Variants in ETV5 observed in about 807,000 individuals in gnomAD.
The protein encoded by ETV5 is ETS variant transcription factor 5.
In ETV5, 10 loss-of-function variants were observed where a neutral mutation model predicts 70.0. The observed-to-expected ratio is 0.14, with a 90% CI of 0.09 to 0.24. The LOEUF (loss-of-function observed/expected upper bound fraction) is 0.24. ETV5 is among the 10% of genes least tolerant of loss of function. ETV5 has a pLI of 1.00. For missense variants in ETV5, 453 were observed against 651.2 expected, an observed-to-expected ratio of 0.70 and a Z score of 3.31; for synonymous variants, 216 against 242.2, an observed-to-expected ratio of 0.89 and a Z score of 1.01.
Position 186,105,116 on chromosome 3 carries a change from T to C in ETV5, c.232+189A>G. 3 of 528,996 alleles carry C rather than the reference T, an allele frequency of 5.7e-6. No homozygotes were observed. Among genetic ancestry groups the C allele is most frequent in the South Asian group, 2.8e-5 (1 of 35,164 alleles). The allele number at this position is 528,996 out of a possible 1,614,324, so 32.8% of individuals were successfully genotyped here. A position where few individuals can be genotyped will look rare whatever the true frequency, so the allele number is the denominator to read the frequency against. ...TCAGTAAATCTTACCTGCAATACAG[T>C]AGAAATACTTTAGAAATAATTTTAT... On this transcript the variant is annotated intron_variant, in intron 5 of 12. Coordinates refer to ENST00000306376, the MANE Select transcript of ETV5 (RefSeq NM_004454.3). This position sits in a 1 kb window ranked among gnomAD's most constrained non-coding sequence, Gnocchi z 4.5.
In ETV5 at chr3:186,061,384, A is replaced by G. The variant is rs1306692268; in HGVS notation, c.970+3033T>C. On this transcript the variant is annotated intron_variant, in intron 9 of 12. Transcript: ENST00000306376. Reference sequence around the variant, plus strand: ...CTTGAGAACCGTTACTACTCAGTAGATTTCAAACTTGAAGGTGCATCAGAA... The same window carrying G: ...CTTGAGAACCGTTACTACTCAGTAGGTTTCAAACTTGAAGGTGCATCAGAA... Among the ~76,000 whole-genome samples, 14 of 152,298 alleles carry G rather than the reference A, an allele frequency of 9.2e-5. No individual in the cohort carries two copies. The East Asian group carries it at 2.7e-3, about 29-fold the overall frequency.
rs536772887 is a variant in ETV5, at chr3:186,101,929, G to A, written c.232+3376C>T. ...ACTGGTAGAATCCCTATGATCTATAGATTTCTATTCCCTTGAATTTGACCT... is the reference window on the plus strand; with the variant it reads ...ACTGGTAGAATCCCTATGATCTATAAATTTCTATTCCCTTGAATTTGACCT... On this transcript the variant is annotated intron_variant, in intron 5 of 12. Coordinates refer to ENST00000306376, the MANE Select transcript of ETV5 (RefSeq NM_004454.3). Among the ~76,000 whole-genome samples the A allele has an allele frequency of 3.3e-5, 5 of 152,276 alleles. No homozygotes were observed. The East Asian group carries it at 5.8e-4, about 18-fold the overall frequency.
chr3:186,054,464 A>G lies in ETV5; in HGVS notation c.1210-2333T>C, dbSNP rs1713109379. Among the ~76,000 whole-genome samples the G allele has an allele frequency of 6.6e-6, 1 of 152,094 alleles. No homozygotes were observed. The highest frequency in any genetic ancestry group is 6.5e-5 in the Admixed American group (1 of 15,270). On this transcript the variant is annotated intron_variant, in intron 11 of 12. Coordinates refer to ENST00000306376, the MANE Select transcript of ETV5 (RefSeq NM_004454.3). The surrounding 1 kb of genome is among the most constrained non-coding windows in gnomAD (Gnocchi z 4.4). ...TCAACAAACAACCCTACCCCCCAAAATATTCATTAATGCAGATTCACAGTT... is the reference window on the plus strand; with the variant it reads ...TCAACAAACAACCCTACCCCCCAAAGTATTCATTAATGCAGATTCACAGTT...
chr3:186,096,598 A>G (rs1714308854), intron 5 of ETV5, among the ~76,000 whole-genome samples: 1 of 152,056 alleles, frequency 6.6e-6, no homozygotes, highest in South Asian at 2.1e-4. Context: ...AGGGAAGGGA[A>G]GGCATGCTTG....
At chr3:186,064,208 ACAAT>A (rs1323393881) in intron 9 of ETV5, 3 of 591,030 alleles carry the variant, frequency 5.1e-6, no homozygotes, top group Non-Finnish European at 9.0e-6. Context: ...ATTGAAGATT[ACAAT>A]CAATCAGCTC....
chr3:186,094,251 G>A (rs993318067), intron 5 of ETV5, among the ~76,000 whole-genome samples: 13 of 152,172 alleles, frequency 8.5e-5, no homozygotes, highest in African/African-American at 2.9e-4. Flanking sequence ...TTCCGTCCAC[G>A]GGTGTAAAGT....
At position 186,070,609 on chromosome 3, in the gene ETV5, G is replaced by C. The variant is rs3935265; in HGVS notation, c.651-4537C>G. Among the ~76,000 whole-genome samples the C allele has an allele frequency of 2.7e-3, 405 of 152,362 alleles. 1 individual carries two copies. The highest frequency in any genetic ancestry group is 4.9e-3 in the Non-Finnish European group (336 of 68,034). On this transcript the variant is annotated intron_variant, in intron 7 of 12. Coordinates refer to ENST00000306376, the MANE Select transcript of ETV5 (RefSeq NM_004454.3). ...GGTCACAAAGCCAACATATTTGGAA[G>C]AAAGATTCTCAGAGCTTGCTGCTGA...
chr3:186,053,499 A>T (rs1174987301), intron 11 of ETV5, among the ~76,000 whole-genome samples: 1 of 152,248 alleles, frequency 6.6e-6, no homozygotes, highest in Non-Finnish European at 1.5e-5. Context: ...TCTAGGCAGA[A>T]TGAAAGCAAC....
intron 7 of ETV5, 143 bp downstream of exon 7, chr3:186,079,674 A>T: frequency 1.3e-6 from 1 of 785,724 alleles, no homozygotes; most frequent in South Asian, 1.9e-5. Flanking sequence ...TCGTATTATC[A>T]TTAGTCTTGC....
rs187437742 is a variant in ETV5 at position 186,046,434 on chromosome 3, C to A, written c.*2205G>T. On this transcript the variant is annotated 3_prime_UTR_variant, in exon 13 of 13. Coordinates refer to ENST00000306376, the MANE Select transcript of ETV5 (RefSeq NM_004454.3). The stretch of plus-strand genomic sequence containing the variant: ...TTTCAAATCAGCTGGCAGGTTCAAG[C>A]CTTTCTGCACTGTAGACTTTCCACA... 4 of 230,560 alleles carry A rather than the reference C, an allele frequency of 1.7e-5. No homozygotes were observed. Among genetic ancestry groups the A allele is most frequent in the South Asian group, 3.6e-4 (2 of 5,502 alleles). 14.3% of individuals were successfully genotyped at this position (230,560 alleles called of 1,614,324 possible). A position where few individuals can be genotyped will look rare whatever the true frequency, so the allele number is the denominator to read the frequency against.
chr3:186,106,319 TA>T (rs1269318339), intron 1 of ETV5, among the ~76,000 whole-genome samples: 3 of 152,246 alleles, frequency 2.0e-5, no homozygotes, highest in Non-Finnish European at 4.4e-5. Flanking sequence ...AAAAAAGAGA[TA>T]ATTTAATTTT....
At chr3:186,053,248 T>A (rs1000656625) in intron 11 of ETV5, among the ~76,000 whole-genome samples, 1 of 152,066 alleles carries the variant, frequency 6.6e-6, no homozygotes, top group African/African-American at 2.4e-5. Flanking sequence ...ATTACAGGTG[T>A]CCATTGTCAT....
intron 5 of ETV5, among the ~76,000 whole-genome samples, chr3:186,096,314 G>A (rs898128406): frequency 6.6e-6 from 1 of 152,112 alleles, no homozygotes; most frequent in East Asian, 1.9e-4. Flanking sequence ...TTTACTGTGG[G>A]TGACCATGTG....
At chr3:186,080,457 C>T (rs970471373) in intron 6 of ETV5, 17 of 243,150 alleles carry the variant, frequency 7.0e-5, no homozygotes, top group Middle Eastern at 1.2e-3. Flanking sequence ...TCCCCTCTCC[C>T]AACTATTTCC....
At chr3:186,102,262 A>T (rs1560057199) in intron 5 of ETV5, among the ~76,000 whole-genome samples, 1 of 152,212 alleles carries the variant, frequency 6.6e-6, no homozygotes, top group Non-Finnish European at 1.5e-5. Context: ...TGTATACAAT[A>T]AATTTACACA....
At chr3:186,108,850 C>T in intron 1 of ETV5, 90 bp downstream of exon 1, 1 of 233,088 alleles carries the variant, frequency 4.3e-6, no homozygotes, top group African/African-American at 2.4e-5. Flanking sequence ...GATTCTGAAT[C>T]AGCCCGTGAA....
chr3:186,096,211 A>C (rs1560055613), intron 5 of ETV5, among the ~76,000 whole-genome samples: 1 of 152,172 alleles, frequency 6.6e-6, no homozygotes, highest in Non-Finnish European at 1.5e-5. Context: ...TTCTGAGTCG[A>C]GATATCCCTC....
chr3:186,101,072 G>A (rs1714444550), intron 5 of ETV5, among the ~76,000 whole-genome samples: 1 of 152,152 alleles, frequency 6.6e-6, no homozygotes, highest in African/African-American at 2.4e-5. Context: ...TTAGTTCTAT[G>A]AAAATGTGTA....
At chr3:186,077,418 T>G (rs1713822155) in intron 7 of ETV5, among the ~76,000 whole-genome samples, 1 of 152,242 alleles carries the variant, frequency 6.6e-6, no homozygotes, top group Non-Finnish European at 1.5e-5. Flanking sequence ...CCAGGGATTT[T>G]GGTCTGTCTC....
Sources: gnomAD v4.1 joint callset for allele counts (sites outside exome capture counted in the v4.1 genomes callset) on GRCh38, gnomAD v4.1.1 for gene constraint, Gnocchi (gnomAD v3.1) non-coding constraint, MANE v1.5 for transcripts, NCBI Gene and HGNC (gene_info 2026-07-23, HGNC 2026-07-21) for gene names.